AMOTL1: variants seen among roughly 807,000 people sequenced by gnomAD.
The protein encoded by AMOTL1 is angiomotin-like protein 1.
AMOTL1 carries 45 observed loss-of-function variants against 102.9 expected under a neutral mutation model. The ratio of observed to expected loss-of-function variants is 0.44; its 90% CI spans 0.34 to 0.56. AMOTL1 has a LOEUF of 0.56. Among genes scored for constraint, AMOTL1 ranks in the 20% least tolerant of loss-of-function variants. AMOTL1 has a pLI of 0.01. For missense variants in AMOTL1, 1,114 were observed against 1,225.6 expected, an observed-to-expected ratio of 0.91 and a Z score of 1.36; for synonymous variants, 481 against 484.7, an observed-to-expected ratio of 0.99 and a Z score of 0.10.
At chr11:94,738,340 C>A (rs1288980067) in intron 2 of AMOTL1, among the ~76,000 whole-genome samples, 3 of 151,916 alleles carry the variant, frequency 2.0e-5, no homozygotes, top group Non-Finnish European at 2.9e-5. Context: ...TCACTGCAAC[C>A]TCCACCTCCT....
chr11:94,764,525 A>G (rs1162490613), upstream of AMOTL1, among the ~76,000 whole-genome samples: 3 of 152,230 alleles, frequency 2.0e-5, no homozygotes, highest in African/African-American at 7.2e-5. Context: ...TTCAACAGTC[A>G]TTAATGGAGA....
At chr11:94,780,750 C>A (rs1361075830) in intron 1 of AMOTL1, among the ~76,000 whole-genome samples, 2 of 152,178 alleles carry the variant, frequency 1.3e-5, no homozygotes, top group Non-Finnish European at 2.9e-5. Context: ...ATGTAGTAGG[C>A]CCTATTATTA....
chr11:94,766,689 G>T (rs1450434553), upstream of AMOTL1, among the ~76,000 whole-genome samples: 3 of 152,114 alleles, frequency 2.0e-5, no homozygotes, highest in African/African-American at 4.8e-5. Flanking sequence ...GCGATTCAGG[G>T]TTCACAATGT....
At chr11:94,833,633 C>T (rs1205703783) in intron 6 of AMOTL1, among the ~76,000 whole-genome samples, 1 of 152,056 alleles carries the variant, frequency 6.6e-6, no homozygotes. Flanking sequence ...TCATTGTTTC[C>T]AAGGCACATA....
At chr11:94,851,859 A>G (rs1952546797) in intron 7 of AMOTL1, among the ~76,000 whole-genome samples, 1 of 152,242 alleles carries the variant, frequency 6.6e-6, no homozygotes, top group Non-Finnish European at 1.5e-5. Context: ...TAAGGTTGAT[A>G]CAAAGGTGAA....
intron 3 of AMOTL1, among the ~76,000 whole-genome samples, chr11:94,819,291 A>C (rs190326205): frequency 1.6e-3 from 241 of 152,314 alleles, no homozygotes; most frequent in Admixed American, 2.8e-3. Context: ...TTTTATTCTT[A>C]AATAAGATAG....
Position 94,784,561 on chromosome 11 carries a change from C to T in AMOTL1, c.50-10450C>T, listed in dbSNP as rs1458399557. On this transcript the variant is annotated intron_variant, in intron 1 of 12. Transcript: ENST00000433060. ...ATTATAGGAAGTATTCTTCACATTA[C>T]TAAAGGAATTATTGCAGGTTGGTTG... Among the ~76,000 whole-genome samples the T allele has an allele frequency of 2.0e-5, 3 of 152,150 alleles. 1 individual carries two copies. Among genetic ancestry groups the T allele is most frequent in the Admixed American group, 1.3e-4 (2 of 15,276 alleles).
At chr11:94,723,989 G>A (rs71473213) in intron 1 of AMOTL1, among the ~76,000 whole-genome samples, 5,370 of 152,206 alleles carry the variant, frequency 0.035, 140 homozygotes, top group East Asian at 0.1. Context: ...ACTTCCCTCT[G>A]TTCTACTGTG....
chr11:94,755,837 C>G (rs372781494), intron 3 of AMOTL1, among the ~76,000 whole-genome samples: 3 of 152,174 alleles, frequency 2.0e-5, no homozygotes, highest in African/African-American at 4.8e-5. Context: ...GTTTTGCTGT[C>G]TGCAGGCCGC....
At chr11:94,808,883 A>AT (rs1337535125) in intron 3 of AMOTL1, among the ~76,000 whole-genome samples, 1 of 151,752 alleles carries the variant, frequency 6.6e-6, no homozygotes, top group Non-Finnish European at 1.5e-5. Context: ...AAATATTGTC[A>AT]TTTTAACAGG....
intron 3 of AMOTL1, among the ~76,000 whole-genome samples, chr11:94,813,113 G>A (rs1413231453): frequency 2.6e-5 from 4 of 152,222 alleles, no homozygotes; most frequent in Non-Finnish European, 4.4e-5. Flanking sequence ...TTGTGAGCCT[G>A]TCAGCCTCTG....
intron 4 of AMOTL1, among the ~76,000 whole-genome samples, chr11:94,825,847 C>G (rs192138234): frequency 6.2e-4 from 95 of 152,312 alleles, no homozygotes; most frequent in African/African-American, 2.0e-3. Context: ...CTTCAACTTC[C>G]CATTCCTTAG....
chr11:94,797,560 T>C (rs750915269), intron 2 of AMOTL1, among the ~76,000 whole-genome samples: 11 of 152,298 alleles, frequency 7.2e-5, no homozygotes, highest in Non-Finnish European at 1.0e-4. Context: ...TGGAGATATA[T>C]ACAAATGGAG....
In AMOTL1 at chr11:94,746,242, T is replaced by C. The variant is rs544317712; in HGVS notation, c.136+5254T>C. On this transcript the variant is annotated intron_variant, in intron 3 of 4. Coordinates refer to the AMOTL1 transcript ENST00000299004. ...AAGAAATATGCTTTCTTTCTTGAGA[T>C]GGTGGTACCATTTTCTGAGGAGGCA... Among the ~76,000 whole-genome samples, 7 of 152,312 alleles carry C rather than the reference T, an allele frequency of 4.6e-5. No homozygotes were observed. The South Asian group carries it at 1.5e-3, about 32-fold the overall frequency.
At chr11:94,840,125 C>T (rs1318943087) in intron 6 of AMOTL1, among the ~76,000 whole-genome samples, 3 of 152,126 alleles carry the variant, frequency 2.0e-5, no homozygotes, top group East Asian at 1.9e-4. Flanking sequence ...AGAAAGCTTT[C>T]TCAAAATGTC....
Position 94,821,580 on chromosome 11 carries a change from T to C in AMOTL1, c.1172T>C (p.Met391Thr), listed in dbSNP as rs758368855. 2 of 1,613,780 alleles carry C rather than the reference T, an allele frequency of 1.2e-6. No homozygotes were observed. Among genetic ancestry groups the C allele is most frequent in the Non-Finnish European group, 8.5e-7 (1 of 1,179,864 alleles). ...FPSTMQQHSP[M>T]SSQTSSASGP... is the part of the protein sequence containing the mutation. ...TCAACCATGCAGCAGCACAGCCCCA[T>C]GTCCTCCCAGACCTCTTCCGCCAGC... The change falls in exon 4 of 13, where the codon ATG (methionine) becomes ACG (threonine). Residue 391 changes from methionine (M) to threonine (T), a missense_variant. By Grantham distance (81) the Met-to-Thr change is moderately conservative. Coordinates refer to ENST00000433060, the MANE Select transcript of AMOTL1 (RefSeq NM_130847.3).
intron 6 of AMOTL1, among the ~76,000 whole-genome samples, chr11:94,838,314 A>G (rs1952225008): frequency 6.6e-6 from 1 of 152,252 alleles, no homozygotes. Flanking sequence ...CTGGACATTG[A>G]ATGAAATGAT....
At chr11:94,796,852 C>T (rs1461898096) in intron 2 of AMOTL1, 3 of 357,680 alleles carry the variant, frequency 8.4e-6, no homozygotes, top group African/African-American at 4.4e-5. Context: ...TATGAACCTT[C>T]TAATGGCATA....
At chr11:94,753,661 A>C (rs1950685528) in intron 3 of AMOTL1, among the ~76,000 whole-genome samples, 1 of 152,204 alleles carries the variant, frequency 6.6e-6, no homozygotes, top group Non-Finnish European at 1.5e-5. Context: ...CCAGGGCTTA[A>C]ACCCAGCCCT....
Sources: allele counts gnomAD v4.1 joint callset (sites outside exome capture counted in the v4.1 genomes callset), GRCh38; gene constraint gnomAD v4.1.1; transcripts MANE v1.5; gene names NCBI Gene and HGNC (gene_info 2026-07-23, HGNC 2026-07-21).